STAG1: variants seen among roughly 807,000 people sequenced by gnomAD.
STAG1 encodes the protein cohesin subunit SA-1.
STAG1 carries 26 observed loss-of-function variants against 170.9 expected under a neutral mutation model. The observed-to-expected ratio is 0.15, with a 90% CI of 0.11 to 0.21. The LOEUF (loss-of-function observed/expected upper bound fraction) is 0.21. Among genes scored for constraint, STAG1 ranks in the 10% least tolerant of loss-of-function variants. STAG1 has a pLI of 1.00. For missense variants in STAG1, 964 were observed against 1,509.5 expected (o/e 0.64, Z 5.99); for synonymous variants, 514 against 497.7 (o/e 1.03, Z -0.44).
rs567976550 is a variant in STAG1 at position 136,704,079 on chromosome 3, C to G, written c.-84+48116G>C. 1.2e-4 allele frequency among the ~76,000 whole-genome samples: 17 copies of G among 144,844 alleles called. No individual in the cohort carries two copies. The South Asian group carries it at 3.3e-3, about 28-fold the overall frequency. On this transcript the variant is annotated intron_variant, in intron 1 of 33. Transcript: ENST00000383202. ...TTTTTTTTTTTTTTTGAGATGGAGTCTCACTCTGTCGCCCAGGCTGGAGTG... is the reference window on the plus strand; with the variant it reads ...TTTTTTTTTTTTTTTGAGATGGAGTGTCACTCTGTCGCCCAGGCTGGAGTG...
rs1385636988 is a variant in STAG1, at chr3:136,337,194, A to AACTT, written c.*1056_*1059dup. ...GCAGCACATACTTCTATAATCAGTA[A>AACTT]ACTTAATTCACAAAATTAGCGCATA... On this transcript the variant is annotated 3_prime_UTR_variant, in exon 34 of 34. Transcript: ENST00000383202. 6.6e-6 allele frequency: 1 copy of AACTT among 152,652 alleles called. No homozygotes were observed. The highest frequency in any genetic ancestry group is 2.4e-5 in the African/African-American group (1 of 41,460). The allele number at this position is 152,652 out of a possible 1,614,324, so 9.5% of individuals were successfully genotyped here.
chr3:136,381,960 TCCAC>T (rs1459901043), intron 22 of STAG1, among the ~76,000 whole-genome samples: 1 of 152,182 alleles, frequency 6.6e-6, no homozygotes, highest in Non-Finnish European at 1.5e-5. Flanking sequence ...GGAACACTGT[TCCAC>T]TGTTAGTACC....
chr3:136,682,450 T>A (rs958799951), intron 1 of STAG1, among the ~76,000 whole-genome samples: 21 of 148,732 alleles, frequency 1.4e-4, no homozygotes, highest in African/African-American at 4.9e-4. Context: ...AAATAAAATA[T>A]ATATATATAT....
At chr3:136,548,115 TTTTG>T (rs1936236024) in intron 5 of STAG1, among the ~76,000 whole-genome samples, 2 of 149,528 alleles carry the variant, frequency 1.3e-5, no homozygotes, top group Admixed American at 6.6e-5. Flanking sequence ...AACTGTTTTG[TTTTG>T]TTTTTTTTTT....
chr3:136,541,542 A>G (rs1249138274), intron 6 of STAG1, among the ~76,000 whole-genome samples: 2 of 129,138 alleles, frequency 1.5e-5, no homozygotes, highest in African/African-American at 6.1e-5. Context: ...TAACATTCAC[A>G]CACACACACA....
At chr3:136,497,506 A>T (rs898110508) in intron 9 of STAG1, among the ~76,000 whole-genome samples, 7 of 152,162 alleles carry the variant, frequency 4.6e-5, no homozygotes, top group African/African-American at 1.7e-4. Flanking sequence ...ACAAAATCCA[A>T]GATATATTCC....
chr3:136,364,805 TTAA>T (rs1229642290), intron 25 of STAG1, among the ~76,000 whole-genome samples: 5 of 152,314 alleles, frequency 3.3e-5, no homozygotes, highest in East Asian at 3.9e-4. Context: ...GAAGAAGTGA[TTAA>T]TAATAGTTTG....
At chr3:136,412,990 G>C (rs2087668813) in intron 21 of STAG1, among the ~76,000 whole-genome samples, 1 of 150,964 alleles carries the variant, frequency 6.6e-6, no homozygotes. Flanking sequence ...AGCCCCCTAA[G>C]TAGCTGGGAT....
intron 4 of STAG1, among the ~76,000 whole-genome samples, chr3:136,578,311 C>T (rs991466423): frequency 4.6e-5 from 7 of 152,190 alleles, no homozygotes; most frequent in Admixed American, 1.3e-4. Context: ...GTATTCACAA[C>T]GTCTTGGCCT....
At chr3:136,576,542 AAATT>A (rs1937461215) in intron 4 of STAG1, among the ~76,000 whole-genome samples, 2 of 152,224 alleles carry the variant, frequency 1.3e-5, no homozygotes, top group African/African-American at 4.8e-5. Flanking sequence ...GGCAGTATAA[AAATT>A]AATATTCTGT....
At chr3:136,412,558 T>C (rs912851461) in intron 21 of STAG1, among the ~76,000 whole-genome samples, 5 of 152,186 alleles carry the variant, frequency 3.3e-5, no homozygotes, top group Non-Finnish European at 7.3e-5. Flanking sequence ...ATATGAATAA[T>C]GAACAAACTG....
chr3:136,633,262 T>G (rs1023557436), intron 1 of STAG1, among the ~76,000 whole-genome samples: 2 of 142,196 alleles, frequency 1.4e-5, no homozygotes, highest in Non-Finnish European at 3.0e-5. Flanking sequence ...AAAAAGGCAG[T>G]AGGATGACAT....
At chr3:136,733,378 G>A (rs1241112743) in intron 1 of STAG1, among the ~76,000 whole-genome samples, 1 of 152,116 alleles carries the variant, frequency 6.6e-6, no homozygotes, top group African/African-American at 2.4e-5. Flanking sequence ...GAGCTACCGT[G>A]CCTGGCCAAA....
At chr3:136,751,833 G>C (rs1306895602) in intron 1 of STAG1, among the ~76,000 whole-genome samples, 1 of 150,740 alleles carries the variant, frequency 6.6e-6, no homozygotes, top group African/African-American at 2.4e-5. Context: ...GGCGGGCTTG[G>C]CGGCGGGCCC....
At chr3:136,399,475 C>T (rs753046277) in intron 21 of STAG1, among the ~76,000 whole-genome samples, 3 of 152,156 alleles carry the variant, frequency 2.0e-5, no homozygotes, top group Non-Finnish European at 2.9e-5. Context: ...AGTACATAAA[C>T]GTAATCATAC....
At chr3:136,603,063 C>T (rs1938747951) in intron 4 of STAG1, among the ~76,000 whole-genome samples, 1 of 151,910 alleles carries the variant, frequency 6.6e-6, no homozygotes, top group Non-Finnish European at 1.5e-5. Context: ...TGGTAACATA[C>T]ATAAAAAGAA....
intron 1 of STAG1, among the ~76,000 whole-genome samples, chr3:136,649,031 T>C (rs1941126091): frequency 6.6e-6 from 1 of 152,222 alleles, no homozygotes; most frequent in African/African-American, 2.4e-5. Context: ...TCACCTCCAA[T>C]CTCTCTCTGA....
intron 6 of STAG1, among the ~76,000 whole-genome samples, chr3:136,522,180 G>C (rs900541960): frequency 1.5e-4 from 23 of 152,298 alleles, no homozygotes; most frequent in Admixed American, 1.5e-3. Context: ...TCAATGTGTA[G>C]CTTTTTGTCC....
intron 5 of STAG1, 80 bp downstream of exon 5, chr3:136,568,685 C>T (rs537844408): frequency 4.0e-5 from 36 of 903,688 alleles, no homozygotes; most frequent in African/African-American, 2.5e-4. Context: ...AAATTATATA[C>T]GACTAGTGGC....
Sources: allele counts gnomAD v4.1 joint callset (sites outside exome capture counted in the v4.1 genomes callset), GRCh38; gene constraint gnomAD v4.1.1; transcripts MANE v1.5; gene names NCBI Gene and HGNC (gene_info 2026-07-23, HGNC 2026-07-21).